The following PACRG variants were observed in gnomAD, a reference collection of about 807,000 sequenced individuals.
The protein encoded by PACRG is parkin coregulated gene protein.
In PACRG, 29 loss-of-function variants were observed where a neutral mutation model predicts 29.7. That is an observed-to-expected ratio of 0.98 (90% CI 0.73 to 1.33). The LOEUF (loss-of-function observed/expected upper bound fraction) is 1.33, where lower values mean the gene tolerates loss of function less well. Ranked by LOEUF, PACRG falls within the 40% of genes most tolerant of loss-of-function variation. PACRG has a pLI of 0.00. For missense variants in PACRG, 279 were observed against 316.2 expected (o/e 0.88, Z 0.89); for synonymous variants, 116 against 118.7 (o/e 0.98, Z 0.15).
chr6:162,932,515 G>A (rs1233722190), intron 2 of PACRG, among the ~76,000 whole-genome samples: 1 of 151,728 alleles, frequency 6.6e-6, no homozygotes, highest in Non-Finnish European at 1.5e-5. Context: ...CTGGGTCCTG[G>A]GCTTTTCCTT....
At chr6:163,104,519 C>G (rs1354184715) in intron 4 of PACRG, among the ~76,000 whole-genome samples, 2 of 152,132 alleles carry the variant, frequency 1.3e-5, no homozygotes, top group Non-Finnish European at 2.9e-5. Context: ...TGATGAGGGT[C>G]TTGTGCTGCT....
At chr6:162,933,039 T>G (rs565449426) in intron 2 of PACRG, among the ~76,000 whole-genome samples, 1 of 152,198 alleles carries the variant, frequency 6.6e-6, no homozygotes, top group South Asian at 2.1e-4. Flanking sequence ...GTATCTCATA[T>G]GATTTGGTAT....
At chr6:163,074,581 G>A (rs754839392) in intron 3 of PACRG, among the ~76,000 whole-genome samples, 20 of 152,070 alleles carry the variant, frequency 1.3e-4, no homozygotes, top group Non-Finnish European at 2.4e-4. Flanking sequence ...GTAACATAAA[G>A]AATAAATGCT....
chr6:163,247,296 C>G (rs1419990491), intron 4 of PACRG, among the ~76,000 whole-genome samples: 1 of 152,168 alleles, frequency 6.6e-6, no homozygotes, highest in African/African-American at 2.4e-5. Flanking sequence ...CTCAATCTGC[C>G]ACAGGCCTGC....
At chr6:163,101,374 G>A (rs1252402438) in intron 4 of PACRG, 1 of 979,022 alleles carries the variant, frequency 1.0e-6, no homozygotes, top group African/African-American at 1.8e-5. Flanking sequence ...CGGGTTTTGA[G>A]GAGTTCATAG....
chr6:162,822,206 G>A (rs1003308324), intron 2 of PACRG, among the ~76,000 whole-genome samples: 5 of 152,126 alleles, frequency 3.3e-5, no homozygotes, highest in Non-Finnish European at 5.9e-5. Context: ...TAATGTGCAG[G>A]TTTAAGTTTT....
chr6:162,947,610 T>TTATA (rs1562767235), intron 2 of PACRG, among the ~76,000 whole-genome samples: 10 of 48,200 alleles, frequency 2.1e-4, no homozygotes, highest in South Asian at 7.7e-4. Flanking sequence ...ATATATATAA[T>TTATA]CATATATATA....
intron 2 of PACRG, among the ~76,000 whole-genome samples, chr6:163,024,360 C>G (rs1806916460): frequency 6.6e-6 from 1 of 152,056 alleles, no homozygotes; most frequent in Non-Finnish European, 1.5e-5. Flanking sequence ...TTTTCATTGG[C>G]CTTGTTGAAT....
chr6:163,282,136 G>A (rs1370173038), intron 4 of PACRG, among the ~76,000 whole-genome samples: 2 of 152,008 alleles, frequency 1.3e-5, no homozygotes, highest in Non-Finnish European at 2.9e-5. Flanking sequence ...TTTAAAGTAA[G>A]CCACCAGAGA....
chr6:162,754,772 G>A (rs946893268), intron 1 of PACRG, among the ~76,000 whole-genome samples: 19 of 152,182 alleles, frequency 1.2e-4, no homozygotes, highest in Middle Eastern at 3.4e-3. Flanking sequence ...AAATCAGTTC[G>A]CCATAAATGC....
chr6:163,176,115 C>T (rs938845586), intron 4 of PACRG, among the ~76,000 whole-genome samples: 1 of 152,098 alleles, frequency 6.6e-6, no homozygotes, highest in African/African-American at 2.4e-5. Context: ...TCTTACCTGC[C>T]CCCCACCCCC....
At chr6:163,308,436 C>T (rs1168328799) in intron 4 of PACRG, among the ~76,000 whole-genome samples, 15 of 152,254 alleles carry the variant, frequency 9.9e-5, no homozygotes, top group African/African-American at 2.2e-4. Context: ...GAGGCCAAGG[C>T]GAGCGGATCA....
At position 163,031,170 on chromosome 6, in the gene PACRG, G is replaced by A. The variant is rs1371643412; in HGVS notation, c.292-30980G>A. Among the ~76,000 whole-genome samples the A allele has an allele frequency of 3.3e-5, 5 of 152,206 alleles. No individual in the cohort carries two copies. In the South Asian group the frequency reaches 8.3e-4, roughly 25 times the overall value. On this transcript the variant is annotated intron_variant, in intron 2 of 4. Coordinates refer to ENST00000366888, the MANE Select transcript of PACRG (RefSeq NM_001080379.2). ...TAATAAGTACTCAGTTTAAGAAAAT[G>A]TTGAGTAAGCTTATTCTGCATTCTT...
intron 1 of PACRG, among the ~76,000 whole-genome samples, chr6:162,798,454 C>T (rs1405134614): frequency 2.6e-5 from 4 of 152,152 alleles, no homozygotes; most frequent in East Asian, 3.9e-4. Flanking sequence ...TCTCTCCTTC[C>T]TCCCACATAG....
At chr6:163,272,607 TG>T (rs1783874233) in intron 4 of PACRG, among the ~76,000 whole-genome samples, 1 of 152,030 alleles carries the variant, frequency 6.6e-6, no homozygotes, top group Non-Finnish European at 1.5e-5. Flanking sequence ...CTGGTGAGGG[TG>T]GAACTTTATT....
intron 4 of PACRG, among the ~76,000 whole-genome samples, chr6:163,173,968 G>C (rs1779219186): frequency 6.6e-6 from 1 of 152,190 alleles, no homozygotes; most frequent in East Asian, 1.9e-4. Flanking sequence ...ATGACTCAAG[G>C]CACAAAATCT....
At chr6:163,169,693 G>A (rs1285985518) in intron 4 of PACRG, among the ~76,000 whole-genome samples, 1 of 152,244 alleles carries the variant, frequency 6.6e-6, no homozygotes, top group Admixed American at 6.5e-5. Flanking sequence ...TCTAGAATGT[G>A]CTAGGAGGAG....
intron 4 of PACRG, among the ~76,000 whole-genome samples, chr6:163,314,503 G>A (rs995155546): frequency 6.6e-6 from 1 of 152,136 alleles, no homozygotes; most frequent in African/African-American, 2.4e-5. Context: ...TGTGATTTTG[G>A]AAAACTCAGG....
chr6:162,779,669 T>A (rs6907151), intron 1 of PACRG, among the ~76,000 whole-genome samples: 27,996 of 152,152 alleles, frequency 0.18, 2,949 homozygotes, highest in South Asian at 0.32. Context: ...GCAAAACCAG[T>A]CTTCCTTCTC....
Sources: gnomAD v4.1 joint callset for allele counts (sites outside exome capture counted in the v4.1 genomes callset) on GRCh38, gnomAD v4.1.1 for gene constraint, MANE v1.5 for transcripts, NCBI Gene and HGNC (gene_info 2026-07-23, HGNC 2026-07-21) for gene names.